The following CPVL variants were observed in gnomAD, a reference collection of about 807,000 sequenced individuals.
The protein encoded by CPVL is carboxypeptidase vitellogenic like.
In CPVL, 51 loss-of-function variants were observed where a neutral mutation model predicts 63.7. The ratio of observed to expected loss-of-function variants is 0.80; its 90% confidence interval spans 0.64 to 1.01. The LOEUF (loss-of-function observed/expected upper bound fraction) is 1.01. CPVL is among the 50% of genes least tolerant of loss of function. The pLI, the probability that CPVL is intolerant of heterozygous loss-of-function variation, is 0.00. For synonymous variants in CPVL, 195 were observed against 206.0 expected (o/e 0.95, Z 0.46); for missense variants, 530 against 573.1 (o/e 0.92, Z 0.77).
At chr7:29,068,725 C>T (rs1401946289) in intron 9 of CPVL, among the ~76,000 whole-genome samples, 5 of 142,820 alleles carry the variant, frequency 3.5e-5, no homozygotes, top group African/African-American at 1.0e-4. Flanking sequence ...GATGGAGTCT[C>T]GCTCTGTCAC....
At chr7:28,996,821 C>T (rs138740643) in intron 12 of CPVL, among the ~76,000 whole-genome samples, 77 of 152,198 alleles carry the variant, frequency 5.1e-4, no homozygotes, top group African/African-American at 1.8e-3. Context: ...GTAAAATGGG[C>T]ATGTAGTGCA....
chr7:28,995,099 A>G (rs1783943388), downstream of CPVL: 1 of 152,206 alleles, frequency 6.6e-6, no homozygotes, highest in Admixed American at 6.5e-5. Context: ...GGCTCTTATA[A>G]CTAATGTAGC....
intron 1 of CPVL, among the ~76,000 whole-genome samples, chr7:29,186,797 G>A (rs1798770756): frequency 6.6e-6 from 1 of 151,956 alleles, no homozygotes; most frequent in Non-Finnish European, 1.5e-5. Context: ...TTTTTAGTGT[G>A]TATTGGAATG....
chr7:29,179,225 C>A (rs886705246), intron 5 of CPVL, among the ~76,000 whole-genome samples: 1 of 152,216 alleles, frequency 6.6e-6, no homozygotes, highest in Non-Finnish European at 1.5e-5. Context: ...CAGAAGGCTC[C>A]ATCCCCTCAC....
At chr7:29,195,085 A>G (rs749946075) in exon 1 of CPVL, 66 of 1,346,528 alleles carry the variant, frequency 4.9e-5, no homozygotes, top group Non-Finnish European at 6.7e-5. Flanking sequence ...ACCTGTGGCC[A>G]TCCCGCCCGC....
At chr7:29,135,406 A>C (rs1477196084) in intron 1 of CPVL, among the ~76,000 whole-genome samples, 1 of 150,616 alleles carries the variant, frequency 6.6e-6, no homozygotes, top group Non-Finnish European at 1.5e-5. Context: ...ATCTTGGCTC[A>C]CTGCAACCTC....
chr7:29,163,242 A>G (rs539004367), intron 5 of CPVL, among the ~76,000 whole-genome samples: 1 of 152,342 alleles, frequency 6.6e-6, no homozygotes, highest in South Asian at 2.1e-4. Context: ...AAGACGTGCT[A>G]CAAGTGTAAA....
intron 2 of CPVL, among the ~76,000 whole-genome samples, chr7:29,115,673 C>T (rs1224956093): frequency 6.7e-6 from 1 of 149,700 alleles, no homozygotes; most frequent in Non-Finnish European, 1.5e-5. Context: ...GAAGTAAAAA[C>T]TGTGGATTGG....
At chr7:29,088,151 G>A (rs1230939084) in intron 6 of CPVL, among the ~76,000 whole-genome samples, 1 of 152,172 alleles carries the variant, frequency 6.6e-6, no homozygotes. Flanking sequence ...AGTCATTAGG[G>A]TTGCTGGATT....
chr7:29,181,956 C>G (rs1798110554), intron 4 of CPVL, among the ~76,000 whole-genome samples: 3 of 152,126 alleles, frequency 2.0e-5, no homozygotes, highest in Admixed American at 2.0e-4. Flanking sequence ...TCTAACATAT[C>G]TACAGTAAGC....
At chr7:29,038,701 T>G (rs148510396) in intron 11 of CPVL, among the ~76,000 whole-genome samples, 33 of 152,322 alleles carry the variant, frequency 2.2e-4, no homozygotes, top group African/African-American at 7.5e-4. Flanking sequence ...CTGTTTTTCT[T>G]AGAAGAGAAA....
Position 29,086,566 on chromosome 7 carries a change from CAAG to C in CPVL, c.543-19_543-17del, listed in dbSNP as rs755826310. The C allele has an allele frequency of 7.1e-6, 11 of 1,543,150 alleles. No individual in the cohort carries two copies. In the South Asian group the frequency reaches 1.0e-4, roughly 14 times the overall value. On this transcript the variant is annotated splice_polypyrimidine_tract_variant and intron_variant, in intron 6 of 12. Coordinates refer to ENST00000265394, the MANE Select transcript of CPVL (RefSeq NM_031311.5). ...AATTAGTGCACTGCAAAAAGAAGAACAAGAACAACACAAATTAATCAGAAAAAT... is the reference window on the plus strand; with the variant it reads ...AATTAGTGCACTGCAAAAAGAAGAACAACAACACAAATTAATCAGAAAAAT...
chr7:29,146,365 G>C (rs1331469995), intron 1 of CPVL, 64 bp downstream of exon 1: 4 of 611,038 alleles, frequency 6.5e-6, no homozygotes, highest in Non-Finnish European at 1.1e-5. Context: ...CTAAGTCCGA[G>C]GGACCGAGGC....
intron 5 of CPVL, among the ~76,000 whole-genome samples, chr7:29,169,348 G>C (rs1286196284): frequency 6.6e-6 from 1 of 152,046 alleles, no homozygotes; most frequent in Admixed American, 6.6e-5. Flanking sequence ...TTCATGTACA[G>C]TGTGCTCTTT....
At chr7:29,190,901 G>A (rs1319550882) in intron 1 of CPVL, among the ~76,000 whole-genome samples, 1 of 151,818 alleles carries the variant, frequency 6.6e-6, no homozygotes, top group Admixed American at 6.6e-5. Context: ...AGACAATACA[G>A]GGGCTGGGCA....
intron 12 of CPVL, among the ~76,000 whole-genome samples, chr7:29,025,380 C>G (rs950328344): frequency 6.6e-6 from 1 of 152,172 alleles, no homozygotes; most frequent in Non-Finnish European, 1.5e-5. Flanking sequence ...GAACAAGAGA[C>G]AGAGATGGAG....
Position 29,112,711 on chromosome 7 carries a change from G to A in CPVL, c.281C>T (p.Pro94Leu). 1.2e-6 allele frequency: 2 copies of A among 1,610,032 alleles called. No individual in the cohort carries two copies. Among genetic ancestry groups the A allele is most frequent in the Non-Finnish European group, 1.7e-6 (2 of 1,176,848 alleles). The change falls in exon 3 of 13, where the codon CCA (proline) becomes CTA (leucine). Residue 94 changes from proline to leucine, a missense_variant. Pro to Leu is a moderately conservative substitution (Grantham distance 98). Coordinates refer to ENST00000265394, the MANE Select transcript of CPVL (RefSeq NM_031311.5). ...TTTCTGTTGGGCACCTACCTGAGCTGGGAAGAACCAGAAGAAGAGGTTGCT... is the reference window on the plus strand; with the variant it reads ...TTTCTGTTGGGCACCTACCTGAGCTAGGAAGAACCAGAAGAAGAGGTTGCT... Reference protein sequence around the residue: ...YNSNLFFWFFPAQIQPEDAPV... With the variant: ...YNSNLFFWFFLAQIQPEDAPV...
At chr7:29,155,311 A>G (rs557797701) in intron 5 of CPVL, among the ~76,000 whole-genome samples, 2 of 152,332 alleles carry the variant, frequency 1.3e-5, no homozygotes, top group South Asian at 4.1e-4. Flanking sequence ...TATCAAAAAT[A>G]AATAAATAGA....
intron 2 of CPVL, among the ~76,000 whole-genome samples, chr7:29,116,169 G>C (rs1390192452): frequency 6.6e-6 from 1 of 152,102 alleles, no homozygotes; most frequent in Non-Finnish European, 1.5e-5. Context: ...TACTGACAAG[G>C]CACCAAGATT....
Sources: gnomAD v4.1 joint callset for allele counts (sites outside exome capture counted in the v4.1 genomes callset) on GRCh38, gnomAD v4.1.1 for gene constraint, MANE v1.5 for transcripts, NCBI Gene and HGNC (gene_info 2026-07-23, HGNC 2026-07-21) for gene names.